Variants in PDLIM5 observed in about 807,000 individuals in gnomAD.
PDLIM5 encodes PDZ and LIM domain 5, also known as PDZ and LIM domain protein 5.
Under a neutral mutation model 64.2 loss-of-function variants are expected in PDLIM5, and 34 were observed. That is an observed-to-expected ratio of 0.53 (90% CI 0.40 to 0.71). The LOEUF (loss-of-function observed/expected upper bound fraction) is 0.71. Ranked by LOEUF, PDLIM5 falls within the 30% of genes least tolerant of loss-of-function variation. The pLI is 0.00. For synonymous variants in PDLIM5, 253 were observed against 269.1 expected (o/e 0.94, Z 0.59); for missense variants, 683 against 733.6 (o/e 0.93, Z 0.80).
Position 94,456,488 on chromosome 4 carries a change from G to C in PDLIM5, c.96+1104G>C, listed in dbSNP as rs191019931. On this transcript the variant is annotated intron_variant, in intron 2 of 12. Transcript: ENST00000317968. ...GCTAAGATTACAGGCGTGAGCCACCGTGCCTGGCCCACACTGTTTTATACT... is the reference window on the plus strand; with the variant it reads ...GCTAAGATTACAGGCGTGAGCCACCCTGCCTGGCCCACACTGTTTTATACT... 1.0e-4 allele frequency: 72 copies of C among 702,868 alleles called. No homozygotes were observed. In the East Asian group the frequency reaches 1.9e-3, roughly 18 times the overall value. The allele number at this position is 702,868 out of a possible 1,614,324, so 43.5% of individuals were successfully genotyped here.
At chr4:94,498,011 T>A (rs1029091814) in intron 2 of PDLIM5, among the ~76,000 whole-genome samples, 1 of 152,154 alleles carries the variant, frequency 6.6e-6, no homozygotes, top group Non-Finnish European at 1.5e-5. Flanking sequence ...GAAAATCCTT[T>A]CTGAAGAACC....
chr4:94,533,133 T>C (rs960265017), intron 3 of PDLIM5, among the ~76,000 whole-genome samples: 1 of 152,218 alleles, frequency 6.6e-6, no homozygotes, highest in South Asian at 2.1e-4. Flanking sequence ...CTCTTTTTCT[T>C]CAATTCAGTA....
chr4:94,497,098 A>C (rs1727471366), intron 2 of PDLIM5, among the ~76,000 whole-genome samples: 1 of 152,200 alleles, frequency 6.6e-6, no homozygotes, highest in Non-Finnish European at 1.5e-5. Context: ...GAATTGCTTA[A>C]GACTATACTT....
Position 94,665,640 on chromosome 4 carries a change from C to G in PDLIM5, c.*1573C>G. 1 of 1,022,718 alleles carries G rather than the reference C, an allele frequency of 9.8e-7. No homozygotes were observed. Among genetic ancestry groups the G allele is most frequent in the Non-Finnish European group, 1.2e-6 (1 of 854,550 alleles). The allele number at this position is 1,022,718 out of a possible 1,614,324, so 63.4% of individuals were successfully genotyped here. A position where few individuals can be genotyped will look rare whatever the true frequency, so the allele number is the denominator to read the frequency against. On this transcript the variant is annotated 3_prime_UTR_variant, in exon 13 of 13. Coordinates refer to ENST00000317968, the MANE Select transcript of PDLIM5 (RefSeq NM_006457.5). ...ATCAGTTTCTGAGTTATGCCACTGGCTGATGAAGAGTTGAGAGGTCTCTTT... is the reference window on the plus strand; with the variant it reads ...ATCAGTTTCTGAGTTATGCCACTGGGTGATGAAGAGTTGAGAGGTCTCTTT...
At chr4:94,604,316 G>T (rs1286276779) in intron 7 of PDLIM5, among the ~76,000 whole-genome samples, 3 of 152,082 alleles carry the variant, frequency 2.0e-5, no homozygotes, top group East Asian at 3.9e-4. Flanking sequence ...TCATCTTCGG[G>T]TCAGGCTTAG....
intron 9 of PDLIM5, among the ~76,000 whole-genome samples, chr4:94,649,255 C>T (rs530827084): frequency 6.6e-6 from 1 of 152,062 alleles, no homozygotes; most frequent in African/African-American, 2.4e-5. Flanking sequence ...GGATTACAGG[C>T]GTGAGCCACC....
intron 7 of PDLIM5, among the ~76,000 whole-genome samples, chr4:94,591,039 A>G (rs912553131): frequency 6.6e-6 from 1 of 152,230 alleles, no homozygotes; most frequent in Admixed American, 6.5e-5. Flanking sequence ...ACATGAATGT[A>G]GGGAACACAA....
At chr4:94,565,133 G>T (rs56758622) in intron 3 of PDLIM5, among the ~76,000 whole-genome samples, 12,369 of 152,240 alleles carry the variant, frequency 0.081, 1,496 homozygotes, top group African/African-American at 0.27. Flanking sequence ...ATAATTACCA[G>T]TTGGGAATGA....
intron 8 of PDLIM5, among the ~76,000 whole-genome samples, chr4:94,637,542 G>A (rs1056297867): frequency 2.6e-5 from 4 of 152,198 alleles, no homozygotes; most frequent in Non-Finnish European, 5.9e-5. Flanking sequence ...CTGGGCGACA[G>A]GGCGAGACTC....
chr4:94,644,770 TGACC>T, intron 9 of PDLIM5, among the ~76,000 whole-genome samples: 1 of 152,102 alleles, frequency 6.6e-6, no homozygotes, highest in Non-Finnish European at 1.5e-5. Context: ...CTTGATCTCC[TGACC>T]TCATGATCCA....
intron 2 of PDLIM5, among the ~76,000 whole-genome samples, chr4:94,459,835 G>A (rs998083714): frequency 2.6e-5 from 4 of 152,232 alleles, no homozygotes; most frequent in Non-Finnish European, 4.4e-5. Context: ...GCATTTCTCC[G>A]TGTTGTCCAG....
At chr4:94,585,806 T>C in intron 6 of PDLIM5, 69 bp downstream of exon 6, 1 of 1,256,548 alleles carries the variant, frequency 8.0e-7, no homozygotes, top group South Asian at 1.3e-5. Flanking sequence ...TTGAGACTGA[T>C]TGGTAGTTGT....
intron 3 of PDLIM5, among the ~76,000 whole-genome samples, chr4:94,567,740 C>G (rs574278442): frequency 3.3e-5 from 5 of 152,264 alleles, no homozygotes; most frequent in African/African-American, 1.2e-4. Context: ...TTTTAGCACT[C>G]TTTATCATTT....
chr4:94,612,367 A>G (rs1244661457), intron 7 of PDLIM5, among the ~76,000 whole-genome samples: 1 of 152,218 alleles, frequency 6.6e-6, no homozygotes, highest in Non-Finnish European at 1.5e-5. Context: ...AAATTATATT[A>G]GAATATTGTG....
chr4:94,515,988 A>C (rs191282137), intron 2 of PDLIM5, among the ~76,000 whole-genome samples: 7 of 152,348 alleles, frequency 4.6e-5, no homozygotes, highest in Admixed American at 4.6e-4. Flanking sequence ...CTTTGGATTT[A>C]GACATATGTA....
intron 3 of PDLIM5, among the ~76,000 whole-genome samples, chr4:94,525,563 T>C (rs556204580): frequency 4.6e-5 from 7 of 152,372 alleles, no homozygotes; most frequent in Non-Finnish European, 8.8e-5. Context: ...TCTCTGCTTT[T>C]TGCTACTGCT....
chr4:94,662,872 A>T (rs1219252343), intron 12 of PDLIM5, among the ~76,000 whole-genome samples: 1 of 151,708 alleles, frequency 6.6e-6, no homozygotes, highest in African/African-American at 2.4e-5. Flanking sequence ...AGTTTTTGGA[A>T]ACGTTAGGTA....
At chr4:94,500,473 C>G (rs946853006) in intron 2 of PDLIM5, among the ~76,000 whole-genome samples, 32 of 152,088 alleles carry the variant, frequency 2.1e-4, no homozygotes, top group African/African-American at 7.7e-4. Flanking sequence ...GTAAGTTATA[C>G]AGGCATTTTT....
chr4:94,640,457 T>G lies in PDLIM5; in HGVS notation c.1283+7T>G, dbSNP rs752999281. On this transcript the variant is annotated splice_region_variant and intron_variant, in intron 9 of 12. Coordinates refer to ENST00000317968, the MANE Select transcript of PDLIM5 (RefSeq NM_006457.5). The stretch of plus-strand genomic sequence containing the variant: ...ATTGTAACCAGGTCATCAGGTTGGT[T>G]GTTTTTTGAAATTTTCTTGAAAGTA... 25 of 1,550,088 alleles carry G rather than the reference T, an allele frequency of 1.6e-5. No homozygotes were observed. Among genetic ancestry groups the G allele is most frequent in the Non-Finnish European group, 2.0e-5 (23 of 1,149,172 alleles).
Sources: allele counts gnomAD v4.1 joint callset (sites outside exome capture counted in the v4.1 genomes callset), GRCh38; gene constraint gnomAD v4.1.1; transcripts MANE v1.5; gene names NCBI Gene and HGNC (gene_info 2026-07-23, HGNC 2026-07-21).